PLSCR1: variants seen among roughly 807,000 people sequenced by gnomAD.
PLSCR1 encodes phospholipid scramblase 1.
Under a neutral mutation model 37.8 loss-of-function variants are expected in PLSCR1, and 17 were observed. The observed-to-expected ratio is 0.45, with a 90% CI of 0.31 to 0.68. The LOEUF (loss-of-function observed/expected upper bound fraction) is 0.68. Ranked by LOEUF, PLSCR1 falls within the 30% of genes least tolerant of loss-of-function variation. The pLI is 0.06. For synonymous variants in PLSCR1, 116 were observed against 125.9 expected, an observed-to-expected ratio of 0.92 and a Z score of 0.53; for missense variants, 347 against 380.9, an observed-to-expected ratio of 0.91 and a Z score of 0.74.
intron 1 of PLSCR1, among the ~76,000 whole-genome samples, chr3:146,540,075 T>C (rs1276212939): frequency 1.3e-5 from 2 of 152,218 alleles, no homozygotes; most frequent in Non-Finnish European, 2.9e-5. Context: ...TGATAATTCA[T>C]AAATAATGGC....
rs770142345 is a variant in PLSCR1 at position 146,517,096 on chromosome 3, T to C, written c.810A>G (p.Ala270=). ...TTCCAAAGTTATCAGCGTCTGTAAA[T>C]GCCTCTCTCAAAATTCCAGTCCAGT... is the stretch of plus-strand genomic sequence containing the variant. ...SKHWTGILRE[A]FTDADNFGIQ... Residue 270 remains alanine, a synonymous_variant, in exon 8 of 9, where the codon GCA becomes GCG. Transcript: ENST00000342435. The C allele has an allele frequency of 1.2e-6, 2 of 1,602,136 alleles. No homozygotes were observed.
At chr3:146,530,480 C>T (rs1325276084) in intron 3 of PLSCR1, among the ~76,000 whole-genome samples, 3 of 152,030 alleles carry the variant, frequency 2.0e-5, no homozygotes, top group African/African-American at 7.2e-5. Context: ...AAAGAAAACA[C>T]ATTTAAAACA....
At chr3:146,522,646 G>C (rs1355229261) in intron 5 of PLSCR1, among the ~76,000 whole-genome samples, 1 of 152,146 alleles carries the variant, frequency 6.6e-6, no homozygotes, top group Non-Finnish European at 1.5e-5. Context: ...CCTGGGAAGG[G>C]AAAGACCTGA....
At chr3:146,534,342 AC>A (rs2044237807) in intron 2 of PLSCR1, among the ~76,000 whole-genome samples, 1 of 146,716 alleles carries the variant, frequency 6.8e-6, no homozygotes, top group Non-Finnish European at 1.5e-5. Flanking sequence ...TGCAGTAGAC[AC>A]TACACTTATC....
intron 1 of PLSCR1, among the ~76,000 whole-genome samples, chr3:146,543,758 C>T (rs1300856935): frequency 6.6e-6 from 1 of 152,222 alleles, no homozygotes; most frequent in African/African-American, 2.4e-5. Context: ...TACATTAATA[C>T]TCTGTAGCTC....
intron 3 of PLSCR1, 79 bp downstream of exon 3, chr3:146,533,391 A>ACT (rs1247691588): frequency 1.5e-6 from 1 of 678,640 alleles, no homozygotes; most frequent in Non-Finnish European, 2.6e-6. Context: ...TCTCTCTCTT[A>ACT]CTCTCTCTCT....
chr3:146,521,747 T>A (rs1180857525), intron 6 of PLSCR1, 42 bp from the exon 7 acceptor site: 4 of 1,583,990 alleles, frequency 2.5e-6, no homozygotes, highest in African/African-American at 1.3e-5. Flanking sequence ...ATAATCATAA[T>A]GCCTAGGTTC....
chr3:146,537,681 C>T (rs1004709636), intron 1 of PLSCR1, among the ~76,000 whole-genome samples: 1 of 152,006 alleles, frequency 6.6e-6, no homozygotes, highest in Non-Finnish European at 1.5e-5. Context: ...TGAGATCAGC[C>T]TGGGCAACAT....
At chr3:146,542,841 T>G (rs1055539993) in intron 1 of PLSCR1, among the ~76,000 whole-genome samples, 3 of 152,126 alleles carry the variant, frequency 2.0e-5, no homozygotes, top group African/African-American at 7.2e-5. Flanking sequence ...ATTGAAGGCA[T>G]AGAGCATGCA....
chr3:146,533,333 T>C, intron 3 of PLSCR1, 137 bp downstream of exon 3: 1 of 448,436 alleles, frequency 2.2e-6, no homozygotes, highest in Non-Finnish European at 4.0e-6. Context: ...TTCATTAATA[T>C]AATTTTAAAA....
At chr3:146,518,367 T>C (rs1402876134) in intron 7 of PLSCR1, among the ~76,000 whole-genome samples, 1 of 152,168 alleles carries the variant, frequency 6.6e-6, no homozygotes, top group Non-Finnish European at 1.5e-5. Context: ...AGTGCTTAAA[T>C]ACATCCACTG....
At chr3:146,543,702 T>C (rs1418315037) in intron 1 of PLSCR1, among the ~76,000 whole-genome samples, 1 of 152,228 alleles carries the variant, frequency 6.6e-6, no homozygotes. Context: ...AAGAGCTAAC[T>C]TTCACTGAGT....
chr3:146,524,177 C>T (rs1180489849), intron 5 of PLSCR1, among the ~76,000 whole-genome samples: 1 of 152,194 alleles, frequency 6.6e-6, no homozygotes, highest in Admixed American at 6.5e-5. Context: ...TTAATTGTTA[C>T]ATTAAGTAGC....
At chr3:146,537,781 G>A (rs2108667267) in intron 1 of PLSCR1, among the ~76,000 whole-genome samples, 1 of 152,192 alleles carries the variant, frequency 6.6e-6, no homozygotes, top group African/African-American at 2.4e-5. Flanking sequence ...GAGGTGGGAG[G>A]ATTGCTTGAG....
chr3:146,522,102 T>C, intron 5 of PLSCR1, 49 bp from the exon 6 acceptor site: 1 of 1,045,772 alleles, frequency 9.6e-7, no homozygotes, highest in African/African-American at 1.6e-5. Flanking sequence ...TTAAAAATAT[T>C]GAATTTATCC....
intron 6 of PLSCR1, 62 bp from the exon 7 acceptor site, chr3:146,521,767 T>C (rs1317703022): frequency 6.3e-7 from 1 of 1,577,642 alleles, no homozygotes; most frequent in Non-Finnish European, 8.7e-7. Context: ...CGATGAAAGG[T>C]TCAATGACAG....
chr3:146,538,561 C>T (rs993804315), intron 1 of PLSCR1, among the ~76,000 whole-genome samples: 12 of 152,022 alleles, frequency 7.9e-5, no homozygotes, highest in African/African-American at 2.9e-4. Flanking sequence ...AAAAAAAATT[C>T]TATGGCCTTT....
intron 3 of PLSCR1, 95 bp downstream of exon 3, chr3:146,533,375 A>C: frequency 1.7e-6 from 1 of 591,748 alleles, no homozygotes. Context: ...CAAATGCACA[A>C]TTCTCTCTCT....
At chr3:146,538,719 T>A (rs1015183854) in intron 1 of PLSCR1, among the ~76,000 whole-genome samples, 19 of 152,298 alleles carry the variant, frequency 1.2e-4, no homozygotes, top group Admixed American at 5.2e-4. Context: ...ATTTTTTATT[T>A]TTTTTTATTT....
Sources: allele counts gnomAD v4.1 joint callset (sites outside exome capture counted in the v4.1 genomes callset), GRCh38; gene constraint gnomAD v4.1.1; transcripts MANE v1.5; gene names NCBI Gene and HGNC (gene_info 2026-07-23, HGNC 2026-07-21).